Variants in SHQ1 observed in about 807,000 individuals in gnomAD.
SHQ1 encodes protein SHQ1 homolog.
A neutral mutation model predicts 53.8 loss-of-function variants in SHQ1; 49 were observed. The observed-to-expected ratio is 0.91, with a 90% CI of 0.72 to 1.16. SHQ1 has a LOEUF of 1.16. Among genes scored for constraint, SHQ1 ranks in the 50% most tolerant of loss-of-function variants. The pLI is 0.00. For synonymous variants in SHQ1, 243 were observed against 251.0 expected (o/e 0.97, Z 0.30); for missense variants, 738 against 683.1 (o/e 1.08, Z -0.90).
intron 10 of SHQ1, among the ~76,000 whole-genome samples, chr3:72,787,098 G>C (rs1224897227): frequency 3.9e-5 from 6 of 152,198 alleles, no homozygotes. Context: ...AGGAAATTAA[G>C]GTTCATGACT....
chr3:72,812,419 T>A (rs1051195063), intron 9 of SHQ1, among the ~76,000 whole-genome samples: 8 of 152,210 alleles, frequency 5.3e-5, no homozygotes, highest in African/African-American at 1.9e-4. Flanking sequence ...GTAAAACGGT[T>A]TGCAATACTA....
At chr3:72,797,053 T>C (rs917572304) in intron 9 of SHQ1, among the ~76,000 whole-genome samples, 2 of 148,518 alleles carry the variant, frequency 1.3e-5, no homozygotes, top group African/African-American at 2.5e-5. Context: ...AAGTCAGGAG[T>C]TCAAGACCAG....
chr3:72,843,821 G>A (rs756317854), intron 2 of SHQ1, among the ~76,000 whole-genome samples: 8 of 152,136 alleles, frequency 5.3e-5, no homozygotes, highest in South Asian at 2.1e-4. Context: ...ACTACACAAG[G>A]TGTTCTAAAT....
chr3:72,807,788 CATTG>C (rs978445062), intron 9 of SHQ1, among the ~76,000 whole-genome samples: 6 of 152,144 alleles, frequency 3.9e-5, no homozygotes, highest in Non-Finnish European at 8.8e-5. Context: ...TTTCCTTTCT[CATTG>C]ATTGTGTTAT....
chr3:72,727,492 T>G, the SHQ1 span, among the ~76,000 whole-genome samples: 3 of 151,978 alleles, frequency 2.0e-5, no homozygotes, highest in African/African-American at 7.3e-5. Context: ...AGGCAGAAAG[T>G]GAAGAGAAGC....
intron 9 of SHQ1, among the ~76,000 whole-genome samples, chr3:72,812,178 C>A (rs1337165651): frequency 1.3e-5 from 2 of 152,168 alleles, no homozygotes; most frequent in Non-Finnish European, 2.9e-5. Context: ...TCTTGACATG[C>A]CGAATCTAGG....
At chr3:72,775,181 A>G (rs1257304311) in intron 10 of SHQ1, among the ~76,000 whole-genome samples, 1 of 151,936 alleles carries the variant, frequency 6.6e-6, no homozygotes, top group Non-Finnish European at 1.5e-5. Flanking sequence ...CTCTTACAAA[A>G]ATAATTTAAA....
chr3:72,838,903 G>C (rs1344029575), intron 4 of SHQ1, among the ~76,000 whole-genome samples: 1 of 151,392 alleles, frequency 6.6e-6, no homozygotes, highest in Non-Finnish European at 1.5e-5. Flanking sequence ...TAGATGTCTA[G>C]GTATTTGATA....
intron 10 of SHQ1, among the ~76,000 whole-genome samples, chr3:72,761,103 T>C (rs1426728532): frequency 2.0e-5 from 3 of 152,212 alleles, no homozygotes; most frequent in African/African-American, 7.2e-5. Flanking sequence ...CATTAATATA[T>C]ATCTGACACA....
At chr3:72,745,686 A>G (rs1705246764), downstream of SHQ1, among the ~76,000 whole-genome samples, 3 of 152,158 alleles carry the variant, frequency 2.0e-5, no homozygotes, top group South Asian at 6.2e-4. Flanking sequence ...TCAGACAATA[A>G]TAATAAACCC....
At position 72,782,738 on chromosome 3, in the gene SHQ1, C is replaced by T. The variant is rs891060741; in HGVS notation, c.1181+10178G>A. 2.6e-5 allele frequency among the ~76,000 whole-genome samples: 4 copies of T among 152,200 alleles called. No homozygotes were observed. In the South Asian group the frequency reaches 8.3e-4, roughly 31 times the overall value. ...AAAAGGAAATTGTACTTGAAGTTGT[C>T]AGCTTTTTTAAAAAGCTTTCTCGTG... is the stretch of plus-strand genomic sequence containing the variant. On this transcript the variant is annotated intron_variant, in intron 10 of 10. Coordinates refer to ENST00000325599, the MANE Select transcript of SHQ1 (RefSeq NM_018130.3).
intron 10 of SHQ1, among the ~76,000 whole-genome samples, chr3:72,779,691 C>T (rs561891635): frequency 1.5e-4 from 23 of 152,294 alleles, no homozygotes; most frequent in African/African-American, 5.5e-4. Context: ...AATTAAACAA[C>T]CACCATTTCC....
At chr3:72,794,509 T>C (rs1706541804) in intron 9 of SHQ1, 1 of 152,202 alleles carries the variant, frequency 6.6e-6, no homozygotes, top group Non-Finnish European at 1.5e-5. Flanking sequence ...ATCCTGATGA[T>C]TTTTCCTTGG....
chr3:72,769,444 T>C (rs1180100199), intron 10 of SHQ1, among the ~76,000 whole-genome samples: 1 of 152,182 alleles, frequency 6.6e-6, no homozygotes, highest in Non-Finnish European at 1.5e-5. Flanking sequence ...AGTCTGTATA[T>C]CTCAATACGT....
intron 9 of SHQ1, among the ~76,000 whole-genome samples, chr3:72,805,958 A>G (rs946684338): frequency 2.6e-5 from 4 of 152,190 alleles, no homozygotes; most frequent in Non-Finnish European, 4.4e-5. Flanking sequence ...ATTTTCGGTG[A>G]TTAACAATAT....
At chr3:72,738,834 C>A in the SHQ1 span, among the ~76,000 whole-genome samples, 30 of 152,248 alleles carry the variant, frequency 2.0e-4, no homozygotes, top group African/African-American at 7.0e-4. Context: ...AGACCCTCCT[C>A]CAGGCACCTG....
intron 10 of SHQ1, among the ~76,000 whole-genome samples, chr3:72,785,419 T>C (rs1251278618): frequency 6.6e-6 from 1 of 152,202 alleles, no homozygotes; most frequent in Admixed American, 6.5e-5. Context: ...GAGGTTCACT[T>C]GAGCTCTGGA....
intron 9 of SHQ1, among the ~76,000 whole-genome samples, chr3:72,810,773 A>G (rs1379775907): frequency 6.6e-6 from 1 of 152,168 alleles, no homozygotes; most frequent in East Asian, 1.9e-4. Context: ...CATCCAGAAC[A>G]TGTCATCTCT....
intron 10 of SHQ1, among the ~76,000 whole-genome samples, chr3:72,776,996 T>C (rs147438440): frequency 6.6e-6 from 1 of 152,198 alleles, no homozygotes; most frequent in African/African-American, 2.4e-5. Context: ...AGGATATGGT[T>C]ATCCATATGG....
Sources: allele counts gnomAD v4.1 joint callset (sites outside exome capture counted in the v4.1 genomes callset), GRCh38; gene constraint gnomAD v4.1.1; transcripts MANE v1.5; gene names NCBI Gene and HGNC (gene_info 2026-07-23, HGNC 2026-07-21).